The following UBAP2L variants were observed in gnomAD, a reference collection of about 807,000 sequenced individuals.
UBAP2L encodes the protein ubiquitin-associated protein 2-like.
Under a neutral mutation model 130.6 loss-of-function variants are expected in UBAP2L, and 12 were observed. That is an observed-to-expected ratio of 0.09 (90% CI 0.06 to 0.15). The LOEUF (loss-of-function observed/expected upper bound fraction) is 0.15. Ranked by LOEUF, UBAP2L falls within the 10% of genes least tolerant of loss-of-function variation. UBAP2L has a pLI of 1.00. For missense variants in UBAP2L, 965 were observed against 1,332.5 expected (o/e 0.72, Z 4.29); for synonymous variants, 503 against 524.7 (o/e 0.96, Z 0.57).
chr1:154,229,380 C>T (rs1226841510), intron 4 of UBAP2L, among the ~76,000 whole-genome samples: 1 of 152,082 alleles, frequency 6.6e-6, no homozygotes, highest in Admixed American at 6.6e-5. Flanking sequence ...TATGTTTGTA[C>T]CAAATTGTAA....
At chr1:154,258,765 AG>A in intron 20 of UBAP2L, 1 of 478,838 alleles carries the variant, frequency 2.1e-6, no homozygotes, top group Non-Finnish European at 3.8e-6. Context: ...AGTAGTATTT[AG>A]CTCAAGGAAA....
chr1:154,270,502 T>A lies in UBAP2L; in HGVS notation c.*207T>A, dbSNP rs1252703592. On this transcript the variant is annotated 3_prime_UTR_variant, in exon 27 of 27. Transcript: ENST00000428931. ...GTATTATAGGATTTGTATTTTCTCCTTTTTTTTCCCCCTTCCATTCCTTCT... is the reference window on the plus strand; with the variant it reads ...GTATTATAGGATTTGTATTTTCTCCATTTTTTTCCCCCTTCCATTCCTTCT... 4 of 1,428,984 alleles carry A rather than the reference T, an allele frequency of 2.8e-6. No homozygotes were observed. The highest frequency in any genetic ancestry group is 2.7e-6 in the Non-Finnish European group (3 of 1,093,244). 88.5% of individuals were successfully genotyped at this position (1,428,984 alleles called of 1,614,324 possible).
At position 154,254,046 on chromosome 1, in the gene UBAP2L, G is replaced by A; in HGVS notation, c.1811G>A (p.Ser604Asn). The change falls in exon 15 of 27, where the codon AGC becomes AAC. Residue 604 changes from serine to asparagine, a missense_variant. Physicochemically the swap from Ser to Asn is conservative, Grantham distance 46 (BLOSUM62 1). This residue lies in a region of UBAP2L where 393 missense variants were observed against 408.1 expected (regional missense o/e 0.96). Coordinates refer to ENST00000428931, the MANE Select transcript of UBAP2L (RefSeq NM_014847.4). Reference sequence around the variant, plus strand: ...TCCACACAGACTCGGCGGTACCCCAGCTCCATCTCTTCATCACCCCAAAAG... The same window carrying A: ...TCCACACAGACTCGGCGGTACCCCAACTCCATCTCTTCATCACCCCAAAAG... ...QRSTQTRRYP[S>N]SISSSPQKDL... 6.2e-7 allele frequency: 1 copy of A among 1,602,250 alleles called. No individual in the cohort carries two copies. The highest frequency in any genetic ancestry group is 8.5e-7 in the Non-Finnish European group (1 of 1,175,154).
chr1:154,235,233 T>C lies in UBAP2L; in HGVS notation c.486T>C (p.Ser162=), dbSNP rs776050263. The change falls in exon 6 of 27, where the codon AGT becomes AGC. Residue 162 remains serine (S), a synonymous_variant. Coordinates refer to ENST00000428931, the MANE Select transcript of UBAP2L (RefSeq NM_014847.4). The part of the protein sequence containing the change: ...GQENGLDGTK[S]GGPSGRGTER... ...AAAATGGATTGGATGGCACCAAGAG[T>C]GGAGGGCCTTCTGGAAGAGGAACAG... The C allele has an allele frequency of 1.9e-5, 15 of 778,496 alleles. No homozygotes were observed. In the African/African-American group the frequency reaches 2.0e-4, roughly 11 times the overall value. The allele number at this position is 778,496 out of a possible 1,614,324, so 48.2% of individuals were successfully genotyped here.
At position 154,251,463 on chromosome 1, in the gene UBAP2L, T is replaced by C. The variant is rs1558189367; in HGVS notation, c.1492-18T>C. The C allele has an allele frequency of 6.2e-7, 1 of 1,609,828 alleles. No homozygotes were observed. Among genetic ancestry groups the C allele is most frequent in the Non-Finnish European group, 8.5e-7 (1 of 1,178,678 alleles). ...TTGTATTAAAGCCATTACTTTCTCT[T>C]CTCCTTCAACTTTATAGATTCCTGC... On this transcript the variant is annotated intron_variant, in intron 13 of 26. Transcript: ENST00000428931.
intron 3 of UBAP2L, 83 bp from the exon 4 acceptor site, chr1:154,228,532 A>G (rs1668737809): frequency 3.8e-6 from 4 of 1,047,440 alleles, no homozygotes; most frequent in Non-Finnish European, 5.8e-6. Context: ...CTCAACTGAT[A>G]GCGTTTCCCT....
chr1:154,267,507 CTT>C (rs36052787), intron 25 of UBAP2L, among the ~76,000 whole-genome samples: 59 of 120,498 alleles, frequency 4.9e-4, no homozygotes, highest in Admixed American at 5.8e-4. Context: ...ATTGGTTTGC[CTT>C]TTTTTTTTTT....
chr1:154,259,502 C>CT (rs1558217189), intron 21 of UBAP2L, among the ~76,000 whole-genome samples: 1 of 150,648 alleles, frequency 6.6e-6, no homozygotes, highest in Non-Finnish European at 1.5e-5. Flanking sequence ...TTTTTTTTTT[C>CT]TTTTTTTAAA....
At position 154,257,095 on chromosome 1, in the gene UBAP2L, T is replaced by G. The variant is rs1411833352; in HGVS notation, c.2190T>G (p.His730Gln). The change falls in exon 19 of 27, where the codon CAT becomes CAG. Residue 730 changes from histidine to glutamine, a missense_variant. Around this residue, in one of 9 missense-constraint regions of UBAP2L, gnomAD observed 393 missense variants for 408.1 expected, o/e 0.96. Coordinates refer to ENST00000428931, the MANE Select transcript of UBAP2L (RefSeq NM_014847.4). ...GTGTGGAGAGTGAGGCGAATCTCCA[T>G]TCTTCCTCCAGCACTTTTTCCACCA... is the stretch of plus-strand genomic sequence containing the variant. ...HTSVESEANL[H>Q]SSSSTFSTTS... 1.9e-6 allele frequency: 3 copies of G among 1,614,066 alleles called. No individual in the cohort carries two copies. The highest frequency in any genetic ancestry group is 2.5e-6 in the Non-Finnish European group (3 of 1,180,022).
chr1:154,248,554 C>T (rs1218752480), intron 11 of UBAP2L, among the ~76,000 whole-genome samples: 2 of 152,234 alleles, frequency 1.3e-5, no homozygotes, highest in Admixed American at 6.5e-5. Flanking sequence ...TGATGGCTCA[C>T]GCCTCTAATC....
At chr1:154,247,009 G>T (rs1194580) in intron 11 of UBAP2L, among the ~76,000 whole-genome samples, 99,228 of 152,044 alleles carry the variant, frequency 0.65, 33,427 homozygotes, top group East Asian at 0.96. Context: ...GGTCATTAAC[G>T]ACATCAAAGG....
chr1:154,253,542 C>T (rs1180272247), intron 14 of UBAP2L, among the ~76,000 whole-genome samples: 1 of 151,632 alleles, frequency 6.6e-6, no homozygotes, highest in Admixed American at 6.6e-5. Context: ...CCACCATGCC[C>T]GGCTAATTTT....
chr1:154,243,396 G>GC, intron 10 of UBAP2L, 94 bp downstream of exon 10: 1 of 1,053,930 alleles, frequency 9.5e-7, no homozygotes, highest in South Asian at 1.4e-5. Context: ...AACTCCCATG[G>GC]TGTCAATAAT....
intron 20 of UBAP2L, 104 bp downstream of exon 20, chr1:154,257,538 A>G (rs1349121407): frequency 8.1e-7 from 1 of 1,230,548 alleles, no homozygotes; most frequent in Non-Finnish European, 1.2e-6. Context: ...AAACTTGCAC[A>G]TACTCAAGCC....
chr1:154,220,881 G>T (rs1665659141), upstream of UBAP2L: 1 of 157,496 alleles, frequency 6.3e-6, no homozygotes, highest in South Asian at 1.3e-4. Flanking sequence ...GAGCGAGCGC[G>T]AGAGGGAAAA....
At position 154,259,985 on chromosome 1, in the gene UBAP2L, C is replaced by T. The variant is rs772508299; in HGVS notation, c.2534C>T (p.Pro845Leu). Residue 845 changes from proline (P) to leucine (L), a missense_variant, in exon 22 of 27, where the codon CCG (proline) becomes CTG (leucine). Pro to Leu is a moderately conservative substitution (Grantham distance 98). Coordinates refer to ENST00000428931, the MANE Select transcript of UBAP2L (RefSeq NM_014847.4). ...YSIPFPTPTT[P>L]LTGRDGSLAS... Reference sequence around the variant, plus strand: ...ATCCCATTTCCCACACCCACTACTCCGCTGACTGGGAGGGATGGTAGCCTG... The same window carrying T: ...ATCCCATTTCCCACACCCACTACTCTGCTGACTGGGAGGGATGGTAGCCTG... 12 of 1,614,052 alleles carry T rather than the reference C, an allele frequency of 7.4e-6. No individual in the cohort carries two copies. The highest frequency in any genetic ancestry group is 2.2e-5 in the South Asian group (2 of 91,086).
chr1:154,227,575 C>A (rs1668389167), intron 3 of UBAP2L, among the ~76,000 whole-genome samples: 1 of 147,458 alleles, frequency 6.8e-6, no homozygotes, highest in Non-Finnish European at 1.5e-5. Flanking sequence ...CAGATGAAGT[C>A]TCACTCTGTC....
At position 154,225,154 on chromosome 1, in the gene UBAP2L, C is replaced by T. The variant is rs1296420437; in HGVS notation, c.31C>T (p.Arg11Trp). The change falls in exon 2 of 27, where the codon CGG becomes TGG. Residue 11 changes from arginine to tryptophan, a missense_variant. Transcript: ENST00000428931. ...GACATCGGTGGGCACTAACCGAGCCCGGGGAAACTGGGAACAACCTCAAAA... is the reference window on the plus strand; with the variant it reads ...GACATCGGTGGGCACTAACCGAGCCTGGGGAAACTGGGAACAACCTCAAAA... MMTSVGTNRA[R>W]GNWEQPQNQN... The T allele has an allele frequency of 2.5e-6, 4 of 1,613,966 alleles. No individual in the cohort carries two copies. The highest frequency in any genetic ancestry group is 1.3e-5 in the African/African-American group (1 of 74,966).
At chr1:154,250,923 C>T (rs867596045) in intron 12 of UBAP2L, 118 bp from the exon 13 acceptor site, 2 of 1,037,158 alleles carry the variant, frequency 1.9e-6, no homozygotes, top group Non-Finnish European at 2.8e-6. Flanking sequence ...AAAAGAGGGC[C>T]TGCTTATATG....
Sources: allele counts gnomAD v4.1 joint callset (sites outside exome capture counted in the v4.1 genomes callset), GRCh38; gene constraint gnomAD v4.1.1; regional missense constraint gnomAD v4.1.1; transcripts MANE v1.5; gene names NCBI Gene and HGNC (gene_info 2026-07-23, HGNC 2026-07-21).